The following CDKAL1 variants were observed in gnomAD, a reference collection of about 807,000 sequenced individuals.
The protein encoded by CDKAL1 is threonylcarbamoyladenosine tRNA methylthiotransferase.
CDKAL1 carries 32 observed loss-of-function variants against 68.2 expected under a neutral mutation model. The observed-to-expected ratio is 0.47, with a 90% CI of 0.35 to 0.63. CDKAL1 has a LOEUF of 0.63. Among genes scored for constraint, CDKAL1 ranks in the 30% least tolerant of loss-of-function variants. The pLI is 0.00. For missense variants in CDKAL1, 606 were observed against 696.7 expected, an observed-to-expected ratio of 0.87 and a Z score of 1.47; for synonymous variants, 234 against 244.3, an observed-to-expected ratio of 0.96 and a Z score of 0.39.
At chr6:20,882,409 A>G (rs1460922791) in intron 9 of CDKAL1, among the ~76,000 whole-genome samples, 2 of 152,172 alleles carry the variant, frequency 1.3e-5, no homozygotes. Context: ...CTGCGTTTCC[A>G]TATGAAGACT....
chr6:20,635,350 C>T (rs1458551777), intron 4 of CDKAL1, among the ~76,000 whole-genome samples: 1 of 152,106 alleles, frequency 6.6e-6, no homozygotes, highest in Non-Finnish European at 1.5e-5. Context: ...CTCCTTCCTT[C>T]CTTTGTAGTC....
At chr6:20,777,427 A>T (rs540097437) in intron 7 of CDKAL1, among the ~76,000 whole-genome samples, 127 of 152,328 alleles carry the variant, frequency 8.3e-4, no homozygotes, top group African/African-American at 2.8e-3. Flanking sequence ...AGCTTGGGCA[A>T]CATGGCAAGA....
chr6:20,904,284 C>G (rs1414917531), intron 9 of CDKAL1, among the ~76,000 whole-genome samples: 2 of 152,116 alleles, frequency 1.3e-5, no homozygotes, highest in African/African-American at 4.8e-5. Context: ...ACCTATAACC[C>G]CAACACTTTG....
chr6:20,949,928 T>C (rs1350846119), intron 9 of CDKAL1, among the ~76,000 whole-genome samples: 1 of 152,070 alleles, frequency 6.6e-6, no homozygotes, highest in African/African-American at 2.4e-5. Context: ...TAGCTGGGAC[T>C]ACAGGCATGC....
intron 8 of CDKAL1, among the ~76,000 whole-genome samples, chr6:20,804,660 G>C (rs1162200983): frequency 6.6e-6 from 1 of 152,164 alleles, no homozygotes; most frequent in East Asian, 1.9e-4. Context: ...GAATTGAGCA[G>C]CTGCAGCAGA....
chr6:20,571,821 T>C (rs1344754869), intron 4 of CDKAL1, among the ~76,000 whole-genome samples: 1 of 152,060 alleles, frequency 6.6e-6, no homozygotes, highest in African/African-American at 2.4e-5. Flanking sequence ...TAGTTACCCA[T>C]CTTGATGTAT....
At chr6:21,045,180 T>G (rs1052885413) in intron 11 of CDKAL1, among the ~76,000 whole-genome samples, 2 of 152,330 alleles carry the variant, frequency 1.3e-5, no homozygotes, top group East Asian at 1.9e-4. Flanking sequence ...GACTATAGCA[T>G]GTGACCTTCT....
At chr6:20,640,498 T>G (rs1768121898) in intron 4 of CDKAL1, among the ~76,000 whole-genome samples, 1 of 152,194 alleles carries the variant, frequency 6.6e-6, no homozygotes, top group South Asian at 2.1e-4. Context: ...AATCCTGCAT[T>G]CATTATTAAT....
At chr6:20,701,445 T>C (rs1771355751) in intron 5 of CDKAL1, among the ~76,000 whole-genome samples, 1 of 152,224 alleles carries the variant, frequency 6.6e-6, no homozygotes, top group African/African-American at 2.4e-5. Context: ...CCAGTCCTTA[T>C]CATTCCCTGT....
At chr6:21,007,284 G>A (rs1283539637) in intron 11 of CDKAL1, among the ~76,000 whole-genome samples, 2 of 151,788 alleles carry the variant, frequency 1.3e-5, no homozygotes, top group African/African-American at 4.8e-5. Context: ...ACAAAAATTA[G>A]CCAGGTGTGG....
chr6:21,183,763 ATAT>A (rs374384802), intron 13 of CDKAL1, among the ~76,000 whole-genome samples: 24 of 152,262 alleles, frequency 1.6e-4, no homozygotes, highest in African/African-American at 5.8e-4. Context: ...GACCTCCTCC[ATAT>A]TATTACTTCT....
intron 15 of CDKAL1, among the ~76,000 whole-genome samples, chr6:21,215,836 C>G (rs1323286942): frequency 6.6e-6 from 1 of 152,132 alleles, no homozygotes; most frequent in African/African-American, 2.4e-5. Context: ...GTCCTAATCC[C>G]TAGAACCTGT....
At chr6:20,985,008 A>G (rs1366814172) in intron 10 of CDKAL1, among the ~76,000 whole-genome samples, 2 of 152,126 alleles carry the variant, frequency 1.3e-5, no homozygotes, top group African/African-American at 4.8e-5. Flanking sequence ...TAGTGCCGTA[A>G]TTTGGAATGG....
rs113494227 is a variant in CDKAL1 at position 20,728,716 on chromosome 6, A to G, written c.372-10803A>G. ...GCTAGAAAGCTTTTGATGTCTTTTA[A>G]AAATTTGAAATTCTACATGTACTCC... is the stretch of plus-strand genomic sequence containing the variant. On this transcript the variant is annotated intron_variant, in intron 5 of 15. Coordinates refer to ENST00000274695, the MANE Select transcript of CDKAL1 (RefSeq NM_017774.3). 1.2e-4 allele frequency among the ~76,000 whole-genome samples: 18 copies of G among 152,336 alleles called. 1 individual carries two copies. The highest frequency in any genetic ancestry group is 4.3e-4 in the African/African-American group (18 of 41,580).
intron 11 of CDKAL1, among the ~76,000 whole-genome samples, chr6:21,040,721 A>G (rs776046938): frequency 1.3e-5 from 2 of 152,186 alleles, no homozygotes; most frequent in Non-Finnish European, 2.9e-5. Flanking sequence ...TTTCTCCCCA[A>G]ATACTTATAC....
intron 9 of CDKAL1, among the ~76,000 whole-genome samples, chr6:20,953,227 A>G (rs1561911945): frequency 6.6e-6 from 1 of 152,168 alleles, no homozygotes; most frequent in Non-Finnish European, 1.5e-5. Flanking sequence ...CCAGGGGGCT[A>G]TTGGTCCCCA....
chr6:21,168,177 AT>A (rs1339495001), intron 13 of CDKAL1, among the ~76,000 whole-genome samples: 1 of 152,206 alleles, frequency 6.6e-6, no homozygotes, highest in Non-Finnish European at 1.5e-5. Flanking sequence ...GTCAATGTAA[AT>A]CAAGTCAACC....
At chr6:20,631,120 A>G (rs1043681481) in intron 4 of CDKAL1, among the ~76,000 whole-genome samples, 3 of 152,158 alleles carry the variant, frequency 2.0e-5, no homozygotes, top group East Asian at 1.9e-4. Context: ...TGTTGTCACT[A>G]TTACTCAACC....
chr6:20,562,539 GA>G (rs1269167026), intron 4 of CDKAL1, among the ~76,000 whole-genome samples: 2 of 152,022 alleles, frequency 1.3e-5, no homozygotes, highest in African/African-American at 4.8e-5. Context: ...AGGAGTTCCA[GA>G]AGAGCCTGAC....
Sources: allele counts gnomAD v4.1 joint callset (sites outside exome capture counted in the v4.1 genomes callset), GRCh38; gene constraint gnomAD v4.1.1; transcripts MANE v1.5; gene names NCBI Gene and HGNC (gene_info 2026-07-23, HGNC 2026-07-21).